Variants in TENM2 observed in about 807,000 individuals in gnomAD.
TENM2 encodes the protein teneurin transmembrane protein 2, also known as teneurin-2.
In TENM2, 52 loss-of-function variants were observed where a neutral mutation model predicts 245.2. The ratio of observed to expected loss-of-function variants is 0.21; its 90% CI spans 0.17 to 0.27. TENM2 has a LOEUF of 0.27. Among genes scored for constraint, TENM2 ranks in the 10% least tolerant of loss-of-function variants. TENM2 has a pLI of 1.00. For missense variants in TENM2, 3,046 were observed against 3,666.8 expected (o/e 0.83, Z 4.37); for synonymous variants, 1,363 against 1,438.9 (o/e 0.95, Z 1.19).
the TENM2 span, among the ~76,000 whole-genome samples, chr5:167,279,603 C>A: frequency 7.5e-6 from 1 of 133,682 alleles, no homozygotes; most frequent in African/African-American, 2.8e-5. Context: ...GTAATTTCTA[C>A]TGATTATTTG....
chr5:167,497,708 C>G (rs1446748658), intron 2 of TENM2, among the ~76,000 whole-genome samples: 1 of 152,064 alleles, frequency 6.6e-6, no homozygotes, highest in Non-Finnish European at 1.5e-5. Context: ...AAACAGCAAA[C>G]TTGTTTCACC....
intron 1 of TENM2, among the ~76,000 whole-genome samples, chr5:167,364,433 T>C (rs939744167): frequency 6.6e-6 from 1 of 151,992 alleles, no homozygotes; most frequent in Non-Finnish European, 1.5e-5. Context: ...AAAACATAAA[T>C]AATAAACCTA....
chr5:167,353,500 G>GT (rs59240930), intron 1 of TENM2, among the ~76,000 whole-genome samples: 48,490 of 79,346 alleles, frequency 0.61, 16,775 homozygotes, highest in South Asian at 0.73. Context: ...TGTTGTTGTT[G>GT]TTTTTTTTTT....
At chr5:167,515,882 A>G (rs1045840214) in intron 2 of TENM2, among the ~76,000 whole-genome samples, 1 of 151,840 alleles carries the variant, frequency 6.6e-6, no homozygotes, top group African/African-American at 2.4e-5. Context: ...AAGTAAGTTC[A>G]TTTCCAGTTT....
At chr5:167,550,748 G>C (rs1002049202) in intron 2 of TENM2, among the ~76,000 whole-genome samples, 1 of 125,718 alleles carries the variant, frequency 8.0e-6, no homozygotes, top group African/African-American at 3.0e-5. Context: ...GTGTGTGTGT[G>C]TGATGGAGTG....
intron 2 of TENM2, among the ~76,000 whole-genome samples, chr5:167,655,774 T>C (rs1274319472): frequency 2.0e-5 from 3 of 152,204 alleles, no homozygotes; most frequent in Non-Finnish European, 4.4e-5. Context: ...TGGACTGATC[T>C]TACTGTGAGT....
At chr5:167,020,455 T>C in the TENM2 span, among the ~76,000 whole-genome samples, 2 of 152,194 alleles carry the variant, frequency 1.3e-5, no homozygotes, top group African/African-American at 4.8e-5. Flanking sequence ...TCTGCAACCA[T>C]TGGGCCTACT....
At chr5:167,156,832 T>A in the TENM2 span, among the ~76,000 whole-genome samples, 1 of 152,188 alleles carries the variant, frequency 6.6e-6, no homozygotes, top group Admixed American at 6.6e-5. Context: ...TGAGTCCAAG[T>A]GGCTCGTCTT....
At chr5:167,721,757 G>A (rs1759648208) in intron 2 of TENM2, among the ~76,000 whole-genome samples, 1 of 152,150 alleles carries the variant, frequency 6.6e-6, no homozygotes, top group Non-Finnish European at 1.5e-5. Flanking sequence ...GCTATGTAAA[G>A]TAACATATTC....
intron 7 of TENM2, among the ~76,000 whole-genome samples, chr5:168,081,227 T>G (rs1409568623): frequency 1.3e-5 from 2 of 152,200 alleles, no homozygotes; most frequent in Non-Finnish European, 2.9e-5. Flanking sequence ...GTTTAAAGTC[T>G]GTTTTATCAG....
chr5:168,252,314 G>T (rs1302726344), intron 27 of TENM2, among the ~76,000 whole-genome samples: 1 of 147,286 alleles, frequency 6.8e-6, no homozygotes, highest in Non-Finnish European at 1.5e-5. Flanking sequence ...GGAGATTGAG[G>T]TTGCAATAAG....
At chr5:167,792,404 G>A (rs983810592) in intron 2 of TENM2, among the ~76,000 whole-genome samples, 3 of 152,012 alleles carry the variant, frequency 2.0e-5, no homozygotes, top group African/African-American at 7.2e-5. Flanking sequence ...GATTCTTTCT[G>A]CTCAGGGCCC....
chr5:167,086,919 AC>A, the TENM2 span, among the ~76,000 whole-genome samples: 1 of 91,338 alleles, frequency 1.1e-5, no homozygotes, highest in South Asian at 2.9e-4. Flanking sequence ...GGAAACTCTA[AC>A]ACACACACGC....
intron 2 of TENM2, among the ~76,000 whole-genome samples, chr5:167,698,513 A>G (rs1475507218): frequency 6.6e-6 from 1 of 151,854 alleles, no homozygotes. Flanking sequence ...CGACCCACCT[A>G]CCCAGGTCCT....
intron 2 of TENM2, among the ~76,000 whole-genome samples, chr5:167,635,790 G>A (rs1260850320): frequency 4.0e-5 from 6 of 151,456 alleles, no homozygotes; most frequent in African/African-American, 1.2e-4. Context: ...GACTACAGGC[G>A]CCTGCCACCA....
the TENM2 span, among the ~76,000 whole-genome samples, chr5:167,275,440 C>T: frequency 3.9e-5 from 6 of 152,056 alleles, no homozygotes; most frequent in Admixed American, 2.6e-4. Context: ...ATCTGTATAA[C>T]AATTTGGGGA....
intron 2 of TENM2, among the ~76,000 whole-genome samples, chr5:167,790,073 A>C (rs1227820814): frequency 4.6e-5 from 7 of 152,096 alleles, no homozygotes; most frequent in Admixed American, 3.3e-4. Context: ...CAGTTCTTTG[A>C]GTGTACTTTT....
At chr5:167,833,166 T>A (rs1302019633) in intron 2 of TENM2, among the ~76,000 whole-genome samples, 1 of 152,174 alleles carries the variant, frequency 6.6e-6, no homozygotes, top group Non-Finnish European at 1.5e-5. Context: ...TTATTTGTAA[T>A]TTTTATTAAG....
At position 168,218,212 on chromosome 5, in the gene TENM2, A is replaced by C; in HGVS notation, c.4321A>C (p.Thr1441Pro). The C allele has an allele frequency of 6.2e-7, 1 of 1,613,896 alleles. No individual in the cohort carries two copies. Among genetic ancestry groups the C allele is most frequent in the South Asian group, 1.1e-5 (1 of 91,058 alleles). ...AGAGAACAATGTCATCCTTCGAATC[A>C]CCGAGAACCACCAAGTCAGCATCAT... Residue 1441 changes from threonine to proline, a missense_variant, in exon 23 of 29, where the codon ACC becomes CCC. By Grantham distance (38) the Thr-to-Pro change is conservative (BLOSUM62 -1). Coordinates refer to ENST00000518659, the Ensembl canonical transcript of TENM2. The surrounding 1 kb of genome is among the most constrained non-coding windows in gnomAD (Gnocchi z 5.2).
Sources: gnomAD v4.1 joint callset for allele counts (sites outside exome capture counted in the v4.1 genomes callset) on GRCh38, gnomAD v4.1.1 for gene constraint, Gnocchi (gnomAD v3.1) non-coding constraint, MANE v1.5 for transcripts, NCBI Gene and HGNC (gene_info 2026-07-23, HGNC 2026-07-21) for gene names.